The following NUP107 variants were observed in gnomAD, a reference collection of about 807,000 sequenced individuals.
The protein encoded by NUP107 is nucleoporin 107.
In NUP107, 101 loss-of-function variants were observed where a neutral mutation model predicts 141.0. That is an observed-to-expected ratio of 0.72 (90% confidence interval 0.61 to 0.84). The LOEUF is 0.84. Ranked by LOEUF, NUP107 falls within the 40% of genes least tolerant of loss-of-function variation. The pLI, the probability that NUP107 is intolerant of heterozygous loss-of-function variation, is 0.00. For synonymous variants in NUP107, 319 were observed against 363.9 expected, an observed-to-expected ratio of 0.88 and a Z score of 1.41; for missense variants, 941 against 1,102.7, an observed-to-expected ratio of 0.85 and a Z score of 2.08.
chr12:68,725,876 G>T (rs555131472), intron 18 of NUP107, 80 bp downstream of exon 18: 121 of 693,352 alleles, frequency 1.7e-4, no homozygotes, highest in Non-Finnish European at 2.4e-4. Context: ...TCACCCTGTT[G>T]CCCAGACTGG....
At position 68,739,334 on chromosome 12, in the gene NUP107, G is replaced by A. The variant is rs535591200; in HGVS notation, c.2503-2479G>A. Among the ~76,000 whole-genome samples, 7 of 152,268 alleles carry A rather than the reference G, an allele frequency of 4.6e-5. No individual in the cohort carries two copies. In the East Asian group the frequency reaches 1.3e-3, roughly 29 times the overall value. On this transcript the variant is annotated intron_variant, in intron 26 of 27. Coordinates refer to ENST00000229179, the MANE Select transcript of NUP107 (RefSeq NM_020401.4). ...ACCCTCATTAGAATATAACCTTCAT[G>A]AAGGGAGTAACCTTGTTTTCTTTAT...
intron 20 of NUP107, among the ~76,000 whole-genome samples, chr12:68,729,786 T>C (rs1252279180): frequency 2.0e-5 from 3 of 151,420 alleles, no homozygotes; most frequent in Non-Finnish European, 4.4e-5. Context: ...ATTAATTTGT[T>C]TGTGAGTCTT....
rs1286548172 is a variant in NUP107, at chr12:68,744,570, G to C, written c.*2108G>C. On this transcript the variant is annotated 3_prime_UTR_variant, in exon 28 of 28. Coordinates refer to ENST00000229179, the MANE Select transcript of NUP107 (RefSeq NM_020401.4). ...GGCTAATTTTTGTATTTTTAGTAGA[G>C]ACGGGGTTTTGCCATGTTGGCCAGG... The C allele has an allele frequency of 1.3e-5, 2 of 152,162 alleles. No homozygotes were observed. The highest frequency in any genetic ancestry group is 4.8e-5 in the African/African-American group (2 of 41,408). The allele number at this position is 152,162 out of a possible 1,614,324, so 9.4% of individuals were successfully genotyped here.
chr12:68,725,787 G>A lies in NUP107; in HGVS notation c.1567G>A (p.Asp523Asn). 2.1e-6 allele frequency: 3 copies of A among 1,450,202 alleles called. No homozygotes were observed. In the South Asian group the frequency reaches 3.7e-5, roughly 18 times the overall value. 89.8% of individuals were successfully genotyped at this position (1,450,202 alleles called of 1,614,324 possible). ...AGTTCAAAAGTTTCTTATCCTGGGA[G>A]ACATTGATGGTAAGATATGGTTTTA... ...HIVQKFLILG[D>N]IDGLMDEFSK... The change falls in exon 18 of 28, where the codon GAC becomes AAC. Residue 523 changes from aspartate to asparagine, a missense_variant. Asp to Asn is a conservative substitution (Grantham distance 23). Transcript: ENST00000229179.
intron 8 of NUP107, among the ~76,000 whole-genome samples, chr12:68,708,572 G>A (rs1876701557): frequency 6.6e-6 from 1 of 151,030 alleles, no homozygotes; most frequent in Non-Finnish European, 1.5e-5. Flanking sequence ...GTTTTTAAAT[G>A]TTTAGTTTCT....
At chr12:68,732,578 A>T (rs993330329) in intron 22 of NUP107, 59 bp from the exon 23 acceptor site, 2 of 1,009,068 alleles carry the variant, frequency 2.0e-6, no homozygotes, top group Non-Finnish European at 2.9e-6. Flanking sequence ...AATTTGTAGA[A>T]TATCTTTAAA....
chr12:68,728,634 A>G (rs1016802238), intron 20 of NUP107, among the ~76,000 whole-genome samples: 2 of 149,988 alleles, frequency 1.3e-5, no homozygotes, highest in African/African-American at 4.9e-5. Context: ...CTGATCTTTA[A>G]CGCCTGACCT....
Position 68,733,619 on chromosome 12 carries a change from CTG to C in NUP107, c.2262+9_2262+10del, listed in dbSNP as rs1379329850. 1.7e-5 allele frequency: 27 copies of C among 1,599,586 alleles called. No individual in the cohort carries two copies. The Admixed American group carries it at 4.4e-4, about 26-fold the overall frequency. On this transcript the variant is annotated splice_region_variant and intron_variant, in intron 24 of 27. Transcript: ENST00000229179. ...GTGCATCAGAGCTTATTTGGTGAGA[CTG>C]TAAAGAAAGCCACAGATGTGCCTAC... is the stretch of plus-strand genomic sequence containing the variant.
chr12:68,708,586 A>C (rs1341613708), intron 8 of NUP107, among the ~76,000 whole-genome samples: 2 of 151,256 alleles, frequency 1.3e-5, no homozygotes, highest in Admixed American at 1.3e-4. Flanking sequence ...AGTTTCTAAC[A>C]TGTAACAGGG....
intron 17 of NUP107, among the ~76,000 whole-genome samples, chr12:68,725,445 A>G (rs1302688407): frequency 1.3e-5 from 2 of 152,224 alleles, no homozygotes; most frequent in African/African-American, 2.4e-5. Flanking sequence ...GGAATAAAAT[A>G]TAAGAATAAA....
chr12:68,721,315 G>A (rs1877340731), intron 15 of NUP107, 138 bp downstream of exon 15: 1 of 528,346 alleles, frequency 1.9e-6, no homozygotes, highest in Admixed American at 3.6e-5. Context: ...CAATGATAGA[G>A]ATAATCATGA....
intron 10 of NUP107, among the ~76,000 whole-genome samples, chr12:68,712,538 T>G (rs1053712708): frequency 2.0e-5 from 3 of 151,842 alleles, no homozygotes; most frequent in African/African-American, 7.2e-5. Flanking sequence ...AAATTACTGC[T>G]ACTAAGCATT....
intron 5 of NUP107, 89 bp from the exon 6 acceptor site, chr12:68,696,730 A>C: frequency 1.4e-6 from 1 of 735,040 alleles, no homozygotes; most frequent in Non-Finnish European, 2.2e-6. Flanking sequence ...TAAATAAACA[A>C]ATAAATACAT....
intron 24 of NUP107, among the ~76,000 whole-genome samples, chr12:68,734,357 C>T (rs4913295): frequency 0.2 from 30,351 of 152,118 alleles, 3,803 homozygotes; most frequent in South Asian, 0.47. Flanking sequence ...GTAGTAGGGC[C>T]AAATCTGTGG....
intron 18 of NUP107, among the ~76,000 whole-genome samples, chr12:68,726,047 C>G (rs997287377): frequency 2.6e-5 from 4 of 152,006 alleles, no homozygotes; most frequent in Non-Finnish European, 4.4e-5. Flanking sequence ...GTTGGCCAGG[C>G]TGGTCTCCAA....
chr12:68,697,443 G>A (rs1289504353), intron 6 of NUP107, among the ~76,000 whole-genome samples: 1 of 127,332 alleles, frequency 7.9e-6, no homozygotes, highest in South Asian at 2.8e-4. Context: ...TAAAATATAC[G>A]AGGAATATTT....
At chr12:68,695,086 A>C (rs913969050) in intron 5 of NUP107, among the ~76,000 whole-genome samples, 1 of 152,222 alleles carries the variant, frequency 6.6e-6, no homozygotes. Context: ...AAAAACAAAC[A>C]AACCAACAAC....
intron 5 of NUP107, among the ~76,000 whole-genome samples, chr12:68,694,253 A>G (rs1875944029): frequency 6.6e-6 from 1 of 152,240 alleles, no homozygotes; most frequent in East Asian, 1.9e-4. Context: ...CATGCCATTT[A>G]GTATGTATTA....
At chr12:68,724,310 A>G (rs774603755) in intron 17 of NUP107, among the ~76,000 whole-genome samples, 4 of 152,174 alleles carry the variant, frequency 2.6e-5, no homozygotes, top group Non-Finnish European at 4.4e-5. Context: ...AATCTTACTG[A>G]AGGACATAAA....
Sources: gnomAD v4.1 joint callset for allele counts (sites outside exome capture counted in the v4.1 genomes callset) on GRCh38, gnomAD v4.1.1 for gene constraint, MANE v1.5 for transcripts, NCBI Gene and HGNC (gene_info 2026-07-23, HGNC 2026-07-21) for gene names.